IMMP2L: variants seen among roughly 807,000 people sequenced by gnomAD.
IMMP2L encodes mitochondrial inner membrane protease subunit 2.
IMMP2L carries 18 observed loss-of-function variants against 19.3 expected under a neutral mutation model. The ratio of observed to expected loss-of-function variants is 0.93; its 90% CI spans 0.64 to 1.38. The LOEUF is 1.38. Ranked by LOEUF, IMMP2L falls within the 40% of genes most tolerant of loss-of-function variation. The probability of loss-of-function intolerance (pLI) is 0.00; values close to 1 mark genes in which losing one functional copy is unlikely to be tolerated. For missense variants in IMMP2L, 233 were observed against 218.2 expected, an observed-to-expected ratio of 1.07 and a Z score of -0.43; for synonymous variants, 76 against 73.0, an observed-to-expected ratio of 1.04 and a Z score of -0.21.
At chr7:110,666,403 T>G (rs1274574420) in intron 5 of IMMP2L, among the ~76,000 whole-genome samples, 2 of 152,094 alleles carry the variant, frequency 1.3e-5, no homozygotes, top group East Asian at 1.9e-4. Flanking sequence ...GCCTCCTGAG[T>G]AGCTGGGACT....
chr7:110,782,231 AAG>A (rs1799791823), intron 5 of IMMP2L, among the ~76,000 whole-genome samples: 1 of 151,948 alleles, frequency 6.6e-6, no homozygotes, highest in South Asian at 2.1e-4. Flanking sequence ...AACATATTTT[AAG>A]CCTAAGGTAG....
intron 4 of IMMP2L, chr7:110,962,668 T>C: frequency 1.0e-6 from 1 of 967,870 alleles, no homozygotes; most frequent in Non-Finnish European, 1.2e-6. Flanking sequence ...CCTGGGATCC[T>C]CTGGCCATGC....
chr7:110,992,978 T>C (rs1268659681), intron 3 of IMMP2L, among the ~76,000 whole-genome samples: 1 of 152,136 alleles, frequency 6.6e-6, no homozygotes, highest in Non-Finnish European at 1.5e-5. Flanking sequence ...AGGTACATAA[T>C]GTAAAAGATA....
chr7:110,851,928 T>G (rs1184998522), intron 5 of IMMP2L, among the ~76,000 whole-genome samples: 1 of 151,984 alleles, frequency 6.6e-6, no homozygotes, highest in Non-Finnish European at 1.5e-5. Flanking sequence ...AGAGCTGGAG[T>G]CTACATCCCT....
chr7:111,070,720 T>C (rs1324660079), intron 3 of IMMP2L, among the ~76,000 whole-genome samples: 1 of 152,168 alleles, frequency 6.6e-6, no homozygotes, highest in Non-Finnish European at 1.5e-5. Flanking sequence ...TTGGACAATA[T>C]GTAAGGCACC....
At chr7:111,344,905 A>T (rs1452909961) in intron 3 of IMMP2L, among the ~76,000 whole-genome samples, 1 of 152,100 alleles carries the variant, frequency 6.6e-6, no homozygotes, top group Non-Finnish European at 1.5e-5. Flanking sequence ...ATGAAGTGGC[A>T]CCTAAAGGCA....
intron 3 of IMMP2L, among the ~76,000 whole-genome samples, chr7:111,200,313 G>C (rs1809961415): frequency 6.6e-6 from 1 of 152,072 alleles, no homozygotes; most frequent in Non-Finnish European, 1.5e-5. Context: ...TATTAGCACA[G>C]TCGAAAGTGT....
At position 110,832,943 on chromosome 7, in the gene IMMP2L, C is replaced by T. The variant is rs1804100503; in HGVS notation, c.408+53650G>A. Among the ~76,000 whole-genome samples, 3 of 152,336 alleles carry T rather than the reference C, an allele frequency of 2.0e-5. No individual in the cohort carries two copies. In the South Asian group the frequency reaches 6.2e-4, roughly 32 times the overall value. On this transcript the variant is annotated intron_variant, in intron 5 of 5. Coordinates refer to ENST00000405709, the MANE Select transcript of IMMP2L (RefSeq NM_032549.4). Reference sequence around the variant, plus strand: ...GCAGGTTTCCCTGCTCCCTCCAGTACAGCTCCTGACATGTTTTCCTCTGGG... The same window carrying T: ...GCAGGTTTCCCTGCTCCCTCCAGTATAGCTCCTGACATGTTTTCCTCTGGG...
chr7:111,180,410 T>C (rs919948418), intron 3 of IMMP2L, among the ~76,000 whole-genome samples: 3 of 151,682 alleles, frequency 2.0e-5, no homozygotes, highest in African/African-American at 4.8e-5. Context: ...GTCAGTGGAG[T>C]AGTCAGAACC....
At chr7:111,254,721 C>CG (rs1816515918) in intron 3 of IMMP2L, among the ~76,000 whole-genome samples, 1 of 152,112 alleles carries the variant, frequency 6.6e-6, no homozygotes, top group African/African-American at 2.4e-5. Flanking sequence ...ATCTGCACAA[C>CG]ATAAGTCCCA....
intron 4 of IMMP2L, among the ~76,000 whole-genome samples, chr7:110,930,092 C>T (rs1014013589): frequency 6.6e-6 from 1 of 152,066 alleles, no homozygotes; most frequent in Non-Finnish European, 1.5e-5. Context: ...GACTGAGCAG[C>T]GTAAATCAGA....
intron 3 of IMMP2L, among the ~76,000 whole-genome samples, chr7:111,374,799 G>C (rs887564848): frequency 1.3e-5 from 2 of 152,138 alleles, no homozygotes; most frequent in Non-Finnish European, 2.9e-5. Context: ...ATCTAAGCCT[G>C]TGTGAAGACA....
intron 3 of IMMP2L, among the ~76,000 whole-genome samples, chr7:111,095,196 C>T (rs1359552559): frequency 6.6e-6 from 1 of 151,912 alleles, no homozygotes. Context: ...CTGAAAGAGA[C>T]ATTAGTAGCT....
intron 3 of IMMP2L, among the ~76,000 whole-genome samples, chr7:111,016,341 A>G (rs921236649): frequency 6.9e-6 from 1 of 144,172 alleles, no homozygotes; most frequent in African/African-American, 2.5e-5. Context: ...TTATATATAT[A>G]ATAATTTATA....
At chr7:110,910,387 C>T (rs973653236) in intron 4 of IMMP2L, among the ~76,000 whole-genome samples, 13 of 152,136 alleles carry the variant, frequency 8.5e-5, no homozygotes, top group Admixed American at 8.5e-4. Context: ...TAAAATGAAT[C>T]TTGTAGTGTT....
chr7:111,428,167 G>C (rs1006364643), intron 3 of IMMP2L, among the ~76,000 whole-genome samples: 1 of 151,456 alleles, frequency 6.6e-6, no homozygotes, highest in African/African-American at 2.4e-5. Context: ...TTTCTTTATT[G>C]TTCCCTTATA....
chr7:111,459,113 C>T (rs2131988479), intron 3 of IMMP2L, among the ~76,000 whole-genome samples: 1 of 152,242 alleles, frequency 6.6e-6, no homozygotes, highest in African/African-American at 2.4e-5. Context: ...CTGATGAGTT[C>T]ACAATATTCT....
chr7:111,252,495 G>A (rs1000402012), intron 3 of IMMP2L, among the ~76,000 whole-genome samples: 2 of 152,062 alleles, frequency 1.3e-5, no homozygotes, highest in Non-Finnish European at 2.9e-5. Context: ...CATATGATTG[G>A]AGAAGAGAAA....
chr7:110,719,391 A>C (rs1219863491), intron 5 of IMMP2L, among the ~76,000 whole-genome samples: 1 of 152,190 alleles, frequency 6.6e-6, no homozygotes, highest in Admixed American at 6.5e-5. Flanking sequence ...TTTTAATTTT[A>C]GTTACTCATG....
Sources: allele counts gnomAD v4.1 joint callset (sites outside exome capture counted in the v4.1 genomes callset), GRCh38; gene constraint gnomAD v4.1.1; transcripts MANE v1.5; gene names NCBI Gene and HGNC (gene_info 2026-07-23, HGNC 2026-07-21).